Variants in CORO1C observed in about 807,000 individuals in gnomAD.
CORO1C encodes coronin 1C.
In CORO1C, 14 loss-of-function variants were observed where a neutral mutation model predicts 51.2. The observed-to-expected ratio is 0.27, with a 90% CI of 0.18 to 0.43. The LOEUF (loss-of-function observed/expected upper bound fraction) is 0.43, where lower values mean the gene tolerates loss of function less well. Ranked by LOEUF, CORO1C falls within the 20% of genes least tolerant of loss-of-function variation. The probability of loss-of-function intolerance (pLI) is 1.00; values close to 1 mark genes in which losing one functional copy is unlikely to be tolerated. For missense variants in CORO1C, 417 were observed against 607.8 expected (o/e 0.69, Z 3.30); for synonymous variants, 181 against 210.5 (o/e 0.86, Z 1.21).
intron 1 of CORO1C, among the ~76,000 whole-genome samples, chr12:108,726,194 G>C (rs2035585747): frequency 6.6e-6 from 1 of 152,078 alleles, no homozygotes; most frequent in African/African-American, 2.4e-5. Context: ...GAGGCGGGCG[G>C]ATTATGAGGT....
chr12:108,650,180 C>CCTT (rs1399661261), intron 8 of CORO1C, among the ~76,000 whole-genome samples: 1 of 80,414 alleles, frequency 1.2e-5, no homozygotes, highest in Non-Finnish European at 2.3e-5. Context: ...AACCAAAAAC[C>CCTT]TTTTTTTTTT....
chr12:108,652,269 T>C lies in CORO1C; in HGVS notation c.1001+3A>G, dbSNP rs1407867304. The C allele has an allele frequency of 1.2e-6, 2 of 1,612,916 alleles. No individual in the cohort carries two copies. The highest frequency in any genetic ancestry group is 1.1e-5 in the South Asian group (1 of 90,958). On this transcript the variant is annotated splice_donor_region_variant and intron_variant, in intron 8 of 10. Transcript: ENST00000261401. Reference sequence around the variant, plus strand: ...AGAATACTTGACAATCTCGATTCTTTACCTGGCAATCTCACATTTGTTAAC... The same window carrying C: ...AGAATACTTGACAATCTCGATTCTTCACCTGGCAATCTCACATTTGTTAAC...
chr12:108,729,159 T>C (rs2035658470), intron 1 of CORO1C, among the ~76,000 whole-genome samples: 1 of 152,218 alleles, frequency 6.6e-6, no homozygotes, highest in African/African-American at 2.4e-5. Context: ...TCATAGTCGT[T>C]AGAGTGACTC....
At chr12:108,672,327 T>C (rs2033750637) in intron 3 of CORO1C, among the ~76,000 whole-genome samples, 1 of 152,212 alleles carries the variant, frequency 6.6e-6, no homozygotes, top group African/African-American at 2.4e-5. Context: ...GAATACATCA[T>C]TTTTAAATGG....
Position 108,679,455 on chromosome 12 carries a change from G to A in CORO1C, c.196-1061C>T, listed in dbSNP as rs190617656. 5.5e-4 allele frequency among the ~76,000 whole-genome samples: 84 copies of A among 152,340 alleles called. 2 individuals carry two copies. In the East Asian group the frequency reaches 0.011, roughly 20 times the overall value. On this transcript the variant is annotated intron_variant, in intron 2 of 10. Transcript: ENST00000261401. ...CAATTTTGTGTCAACTAAGACAACT[G>A]CTATTGTTAACAATGGGTATATGAA...
intron 8 of CORO1C, among the ~76,000 whole-genome samples, chr12:108,650,385 G>A (rs994682375): frequency 6.6e-6 from 1 of 151,950 alleles, no homozygotes; most frequent in African/African-American, 2.4e-5. Context: ...TCACTAGATT[G>A]TCCATACTGC....
intron 1 of CORO1C, among the ~76,000 whole-genome samples, chr12:108,710,481 T>C (rs1298651538): frequency 1.3e-5 from 2 of 152,248 alleles, no homozygotes; most frequent in Admixed American, 6.5e-5. Flanking sequence ...CTCCTCTTTT[T>C]ATCTTCAAAT....
At chr12:108,665,680 C>T (rs2033448838) in intron 3 of CORO1C, among the ~76,000 whole-genome samples, 1 of 152,136 alleles carries the variant, frequency 6.6e-6, no homozygotes, top group Non-Finnish European at 1.5e-5. Context: ...CCTATGCCTG[C>T]GAGGTGTGCT....
At chr12:108,686,583 T>C (rs961418452) in intron 2 of CORO1C, among the ~76,000 whole-genome samples, 1 of 152,228 alleles carries the variant, frequency 6.6e-6, no homozygotes, top group African/African-American at 2.4e-5. Context: ...ATTAGACTCC[T>C]TGCTTTAAAT....
At chr12:108,675,253 C>T (rs796745699) in intron 3 of CORO1C, among the ~76,000 whole-genome samples, 13 of 152,126 alleles carry the variant, frequency 8.5e-5, no homozygotes, top group African/African-American at 2.9e-4. Context: ...CCAGGACTTC[C>T]GAAAGAAATG....
intron 8 of CORO1C, among the ~76,000 whole-genome samples, chr12:108,650,431 T>C (rs917282181): frequency 2.0e-5 from 3 of 152,164 alleles, no homozygotes; most frequent in Non-Finnish European, 4.4e-5. Context: ...CCTCCCACCT[T>C]GGCCTCCCAA....
At chr12:108,718,813 G>T (rs188378693) in intron 1 of CORO1C, among the ~76,000 whole-genome samples, 1 of 152,258 alleles carries the variant, frequency 6.6e-6, no homozygotes, top group Admixed American at 6.5e-5. Flanking sequence ...TAGAGTACAA[G>T]AAACTAAGAA....
chr12:108,672,503 G>C (rs1468509685), intron 3 of CORO1C, among the ~76,000 whole-genome samples: 1 of 152,144 alleles, frequency 6.6e-6, no homozygotes, highest in Admixed American at 6.5e-5. Context: ...GATAGATCAG[G>C]ATGTTCTAAT....
intron 3 of CORO1C, among the ~76,000 whole-genome samples, chr12:108,675,929 C>T (rs866474002): frequency 1.4e-4 from 21 of 152,154 alleles, no homozygotes; most frequent in South Asian, 4.1e-4. Context: ...GCAAGCTGAA[C>T]TGCAACATGA....
chr12:108,702,818 T>C, intron 1 of CORO1C: 1 of 1,531,336 alleles, frequency 6.5e-7, no homozygotes, highest in Non-Finnish European at 8.7e-7. Context: ...TGTGTGAAAG[T>C]GGCCTCTCTC....
intron 2 of CORO1C, among the ~76,000 whole-genome samples, chr12:108,688,264 TAAG>T (rs1211866326): frequency 1.3e-5 from 2 of 152,072 alleles, no homozygotes; most frequent in Non-Finnish European, 2.9e-5. Context: ...AATCCACATT[TAAG>T]AAGTAGACTC....
intron 4 of CORO1C, among the ~76,000 whole-genome samples, chr12:108,659,919 T>C (rs761222799): frequency 3.9e-5 from 6 of 152,202 alleles, no homozygotes; most frequent in Non-Finnish European, 7.3e-5. Flanking sequence ...AAGCCCACAA[T>C]GTCAACTCAT....
rs762955424 is a variant in CORO1C, at chr12:108,701,117, T to C, written c.195+7A>G. ...TGTCTACCAGAATGGAAGATCAAAT[T>C]ACCTACCTTGTGCAGAGGGAGGACA... On this transcript the variant is annotated splice_region_variant and intron_variant, in intron 2 of 10. Transcript: ENST00000261401. 60 of 1,613,852 alleles carry C rather than the reference T, an allele frequency of 3.7e-5. No individual in the cohort carries two copies. Among genetic ancestry groups the C allele is most frequent in the Non-Finnish European group, 4.9e-5 (58 of 1,179,870 alleles).
chr12:108,684,111 A>G lies in CORO1C; in HGVS notation c.196-5717T>C, dbSNP rs79895816. On this transcript the variant is annotated intron_variant, in intron 2 of 10. Coordinates refer to ENST00000261401, the MANE Select transcript of CORO1C (RefSeq NM_014325.4). ...ACATACATACCTAACAAAATCAACA[A>G]CCAAACAGAACGATGGGCAAATTAC... 1.5e-3 allele frequency among the ~76,000 whole-genome samples: 232 copies of G among 152,228 alleles called. 3 individuals carry two copies. In the East Asian group the frequency reaches 0.016, roughly 10 times the overall value.
Sources: gnomAD v4.1 joint callset for allele counts (sites outside exome capture counted in the v4.1 genomes callset) on GRCh38, gnomAD v4.1.1 for gene constraint, MANE v1.5 for transcripts, NCBI Gene and HGNC (gene_info 2026-07-23, HGNC 2026-07-21) for gene names.